The following NKAIN2 variants were observed in gnomAD, a reference collection of about 807,000 sequenced individuals.
The protein encoded by NKAIN2 is sodium/potassium transporting ATPase interacting 2, also known as sodium/potassium-transporting ATPase subunit beta-1-interacting protein 2.
In NKAIN2, 14 loss-of-function variants were observed where a neutral mutation model predicts 32.6. The observed-to-expected ratio is 0.43, with a 90% confidence interval of 0.28 to 0.67. The LOEUF (loss-of-function observed/expected upper bound fraction) is 0.67. Among genes scored for constraint, NKAIN2 ranks in the 30% least tolerant of loss-of-function variants. The pLI, the probability that NKAIN2 is intolerant of heterozygous loss-of-function variation, is 0.17. For synonymous variants in NKAIN2, 80 were observed against 87.2 expected (o/e 0.92, Z 0.46); for missense variants, 198 against 258.3 (o/e 0.77, Z 1.60).
At chr6:124,661,423 T>C (rs1456218319) in intron 4 of NKAIN2, among the ~76,000 whole-genome samples, 1 of 152,186 alleles carries the variant, frequency 6.6e-6, no homozygotes, top group Non-Finnish European at 1.5e-5. Flanking sequence ...ATTCAGCCTT[T>C]CTTTCACAGA....
intron 1 of NKAIN2, among the ~76,000 whole-genome samples, chr6:123,929,015 A>T (rs563181402): frequency 6.6e-6 from 1 of 152,230 alleles, no homozygotes; most frequent in African/African-American, 2.4e-5. Flanking sequence ...TCCACACTAC[A>T]TGTTCCTACC....
intron 4 of NKAIN2, among the ~76,000 whole-genome samples, chr6:124,752,758 G>C (rs1250655478): frequency 6.6e-6 from 1 of 152,038 alleles, no homozygotes; most frequent in African/African-American, 2.4e-5. Flanking sequence ...GTATATCTAA[G>C]TATGCATCCA....
chr6:123,961,650 C>G (rs1233496101), intron 1 of NKAIN2, among the ~76,000 whole-genome samples: 1 of 152,060 alleles, frequency 6.6e-6, no homozygotes, highest in African/African-American at 2.4e-5. Context: ...ATGGCTTGAA[C>G]CGAAAATGAC....
At chr6:124,022,509 C>T (rs1289849338) in intron 1 of NKAIN2, among the ~76,000 whole-genome samples, 1 of 152,112 alleles carries the variant, frequency 6.6e-6, no homozygotes, top group Non-Finnish European at 1.5e-5. Flanking sequence ...ATAGTCCCAC[C>T]AACAGTGTAA....
intron 1 of NKAIN2, among the ~76,000 whole-genome samples, chr6:124,061,777 A>C (rs558195983): frequency 7.9e-5 from 12 of 152,160 alleles, no homozygotes; most frequent in African/African-American, 2.2e-4. Flanking sequence ...GTGAGTCCAC[A>C]AATACACATC....
At chr6:124,261,868 A>C (rs559189428) in intron 1 of NKAIN2, among the ~76,000 whole-genome samples, 2,646 of 148,562 alleles carry the variant, frequency 0.018, 31 homozygotes, top group South Asian at 0.035. Flanking sequence ...ATCTCACACA[A>C]AAAAAAAAAA....
intron 4 of NKAIN2, among the ~76,000 whole-genome samples, chr6:124,662,505 T>G (rs1257823090): frequency 1.3e-5 from 2 of 152,204 alleles, no homozygotes; most frequent in African/African-American, 4.8e-5. Flanking sequence ...CTCTCTACTT[T>G]GTAGAGTGCA....
At chr6:124,764,275 G>A (rs372004091) in intron 4 of NKAIN2, among the ~76,000 whole-genome samples, 41 of 152,074 alleles carry the variant, frequency 2.7e-4, no homozygotes, top group African/African-American at 9.4e-4. Context: ...CAATTACTGT[G>A]AAAACCTTGA....
intron 4 of NKAIN2, among the ~76,000 whole-genome samples, chr6:124,779,995 G>C (rs1438139600): frequency 6.6e-6 from 1 of 152,224 alleles, no homozygotes. Context: ...TAGAACGCCA[G>C]TTGAAAATAA....
intron 2 of NKAIN2, among the ~76,000 whole-genome samples, chr6:124,341,923 C>T (rs1366201335): frequency 6.6e-6 from 1 of 152,138 alleles, no homozygotes; most frequent in Non-Finnish European, 1.5e-5. Context: ...GCCACTTTTG[C>T]TCTTCATTTA....
chr6:123,990,154 G>T (rs912990570), intron 1 of NKAIN2, among the ~76,000 whole-genome samples: 26 of 152,150 alleles, frequency 1.7e-4, no homozygotes, highest in Non-Finnish European at 3.4e-4. Flanking sequence ...TCACTATCAT[G>T]AGAACAGCAT....
intron 1 of NKAIN2, among the ~76,000 whole-genome samples, chr6:123,940,710 G>T (rs1234363458): frequency 6.6e-6 from 1 of 152,024 alleles, no homozygotes; most frequent in Non-Finnish European, 1.5e-5. Flanking sequence ...CATTTGCCAT[G>T]AATGGAGCTT....
intron 1 of NKAIN2, among the ~76,000 whole-genome samples, chr6:124,065,473 G>A (rs1436250921): frequency 3.9e-5 from 6 of 152,100 alleles, no homozygotes. Flanking sequence ...ATGGGACAGA[G>A]CCCTCATGAA....
chr6:123,852,328 T>G (rs1775382832), intron 1 of NKAIN2, among the ~76,000 whole-genome samples: 1 of 152,134 alleles, frequency 6.6e-6, no homozygotes, highest in South Asian at 2.1e-4. Context: ...CTTAGCAAAT[T>G]TCAAGTACAC....
intron 3 of NKAIN2, among the ~76,000 whole-genome samples, chr6:124,619,513 T>C (rs550308533): frequency 1.3e-5 from 2 of 152,308 alleles, no homozygotes; most frequent in Admixed American, 1.3e-4. Context: ...TTCATTTCAC[T>C]TGAAGAAAAA....
intron 3 of NKAIN2, among the ~76,000 whole-genome samples, chr6:124,590,676 G>A (rs1332398176): frequency 6.6e-6 from 1 of 152,194 alleles, no homozygotes; most frequent in Non-Finnish European, 1.5e-5. Context: ...CCAAGTCTTA[G>A]GTGACTGTCA....
At chr6:124,149,773 G>A (rs963794613) in intron 1 of NKAIN2, among the ~76,000 whole-genome samples, 1 of 152,128 alleles carries the variant, frequency 6.6e-6, no homozygotes, top group Admixed American at 6.6e-5. Flanking sequence ...TGCAGACCCT[G>A]GCTGATGGAC....
At chr6:124,520,875 G>A (rs766904704) in intron 3 of NKAIN2, among the ~76,000 whole-genome samples, 41 of 152,156 alleles carry the variant, frequency 2.7e-4, no homozygotes, top group Non-Finnish European at 4.4e-4. Flanking sequence ...AAACTCTCAG[G>A]AGAAGATAAA....
At chr6:124,164,151 A>G (rs1043655004) in intron 1 of NKAIN2, among the ~76,000 whole-genome samples, 3 of 152,118 alleles carry the variant, frequency 2.0e-5, no homozygotes, top group Non-Finnish European at 4.4e-5. Flanking sequence ...AGATTTTAGC[A>G]AATATTTTGG....
Sources: allele counts gnomAD v4.1 joint callset (sites outside exome capture counted in the v4.1 genomes callset), GRCh38; gene constraint gnomAD v4.1.1; transcripts MANE v1.5; gene names NCBI Gene and HGNC (gene_info 2026-07-23, HGNC 2026-07-21).